NFASC: variants seen among roughly 807,000 people sequenced by gnomAD.
NFASC encodes neurofascin.
Under a neutral mutation model 147.5 loss-of-function variants are expected in NFASC, and 43 were observed. The observed-to-expected ratio is 0.29, with a 90% CI of 0.23 to 0.38. The LOEUF is 0.38. NFASC is among the 10% of genes least tolerant of loss of function. The pLI is 1.00. For synonymous variants in NFASC, 622 were observed against 665.5 expected (o/e 0.93, Z 1.01); for missense variants, 1,320 against 1,689.0 (o/e 0.78, Z 3.83).
At chr1:204,884,055 T>G (rs57551765) in intron 1 of NFASC, among the ~76,000 whole-genome samples, 10,635 of 152,194 alleles carry the variant, frequency 0.07, 1,063 homozygotes, top group East Asian at 0.21. Context: ...AAGTATTAAG[T>G]TGACGTTGGG....
At chr1:204,882,615 G>A (rs938898219) in intron 1 of NFASC, among the ~76,000 whole-genome samples, 2 of 152,056 alleles carry the variant, frequency 1.3e-5, no homozygotes, top group Admixed American at 1.3e-4. Flanking sequence ...TGGAAGGTAG[G>A]CTCTGTGAGT....
Position 204,944,301 on chromosome 1 carries a change from G to A in NFASC, c.-15G>A. On this transcript the variant is annotated 5_prime_UTR_variant, in exon 3 of 30. Coordinates refer to ENST00000339876, the MANE Select transcript of NFASC (RefSeq NM_001005388.3). ...CCGAGTGCTGGGGAGCAGGGAGCAG[G>A]GCCAGGTGCCGAGGATGGCCAGGCA... The A allele has an allele frequency of 5.6e-6, 9 of 1,612,398 alleles. No homozygotes were observed. Among genetic ancestry groups the A allele is most frequent in the Non-Finnish European group, 7.6e-6 (9 of 1,179,470 alleles).
chr1:204,988,773 G>T lies in NFASC; in HGVS notation c.2734G>T (p.Val912Phe), dbSNP rs199913513. ...GACGCAGGTGGGCTCTGGGGAAGCC[G>T]TCACAGAGGAGTCACCAGCACCCCC... ...ARTQVGSGEA[V>F]TEESPAPPNE... Residue 912 changes from valine (V) to phenylalanine (F), a missense_variant, in exon 23 of 30, where the codon GTC becomes TTC. Around this residue, in one of 3 missense-constraint regions of NFASC, gnomAD observed 981 missense variants for 1,289.5 expected, o/e 0.76. Coordinates refer to ENST00000339876, the MANE Select transcript of NFASC (RefSeq NM_001005388.3). The T allele has an allele frequency of 6.2e-7, 1 of 1,614,070 alleles. No individual in the cohort carries two copies. Among genetic ancestry groups the T allele is most frequent in the Admixed American group, 1.7e-5 (1 of 60,022 alleles).
At chr1:205,008,239 T>G (rs1457146939) in intron 27 of NFASC, among the ~76,000 whole-genome samples, 1 of 152,162 alleles carries the variant, frequency 6.6e-6, no homozygotes. Flanking sequence ...TAAAAACAGT[T>G]TCTGCCCCCA....
At chr1:204,852,497 C>T (rs1185919587) in intron 1 of NFASC, among the ~76,000 whole-genome samples, 3 of 152,148 alleles carry the variant, frequency 2.0e-5, no homozygotes, top group Non-Finnish European at 1.5e-5. Context: ...GAAACTCCGT[C>T]TGAAAAACAA....
intron 1 of NFASC, among the ~76,000 whole-genome samples, chr1:204,846,968 T>G (rs2075224721): frequency 6.6e-6 from 1 of 151,838 alleles, no homozygotes; most frequent in African/African-American, 2.4e-5. Flanking sequence ...TGTGTGTGTG[T>G]GTGTGTGTGT....
chr1:204,945,375 G>C (rs1480912265), intron 3 of NFASC, among the ~76,000 whole-genome samples: 2 of 152,232 alleles, frequency 1.3e-5, no homozygotes, highest in African/African-American at 2.4e-5. Flanking sequence ...GTCTGGGGAG[G>C]GGGGCAGGAG....
At chr1:204,970,074 C>CA (rs11307141) in intron 10 of NFASC, among the ~76,000 whole-genome samples, 1,802 of 65,232 alleles carry the variant, frequency 0.028, 49 homozygotes, top group Non-Finnish European at 0.032. Context: ...GACTCCATCT[C>CA]AAAAAAAAAA....
Position 204,846,875 on chromosome 1 carries a change from C to G in NFASC, c.-200+18093C>G, listed in dbSNP as rs545771318. ...TTCAGCCACAGCTGGGCAGCTGGCA[C>G]TTGCTCAACTTTTGCCCCAGTCTAC... On this transcript the variant is annotated intron_variant, in intron 1 of 29. Coordinates refer to ENST00000339876, the MANE Select transcript of NFASC (RefSeq NM_001005388.3). Among the ~76,000 whole-genome samples the G allele has an allele frequency of 2.6e-5, 4 of 152,172 alleles. No homozygotes were observed. The South Asian group carries it at 6.2e-4, about 24-fold the overall frequency.
intron 1 of NFASC, among the ~76,000 whole-genome samples, chr1:204,901,089 G>C (rs959278799): frequency 6.6e-6 from 1 of 152,158 alleles, no homozygotes; most frequent in Non-Finnish European, 1.5e-5. Flanking sequence ...AACTAAAATG[G>C]GAAAGGCTGT....
chr1:204,840,519 T>C (rs1675016000), intron 1 of NFASC, among the ~76,000 whole-genome samples: 1 of 152,234 alleles, frequency 6.6e-6, no homozygotes, highest in Admixed American at 6.5e-5. Flanking sequence ...AGCATATTAC[T>C]AACACCTGCA....
intron 1 of NFASC, among the ~76,000 whole-genome samples, chr1:204,857,919 C>CTTTTT (rs58996261): frequency 3.3e-5 from 4 of 122,562 alleles, no homozygotes; most frequent in African/African-American, 1.3e-4. Flanking sequence ...TCTTCTTCTT[C>CTTTTT]TTTTTTTTTT....
chr1:204,863,823 A>G (rs1274323095), intron 1 of NFASC, among the ~76,000 whole-genome samples: 7 of 145,966 alleles, frequency 4.8e-5, no homozygotes, highest in Non-Finnish European at 1.5e-5. Flanking sequence ...ACTCCAGCCT[A>G]GGTGAAAAAG....
chr1:204,903,319 T>C (rs368587651), intron 1 of NFASC, among the ~76,000 whole-genome samples: 166 of 152,272 alleles, frequency 1.1e-3, no homozygotes, highest in African/African-American at 3.9e-3. Context: ...CCCAGTGTGT[T>C]TGTGGCTGGG....
chr1:204,959,061 GT>G (rs35620571), intron 8 of NFASC, among the ~76,000 whole-genome samples: 606 of 146,614 alleles, frequency 4.1e-3, no homozygotes, highest in African/African-American at 0.012. Flanking sequence ...CCCTTCTCAT[GT>G]TTTTTTTTTT....
chr1:204,932,315 C>G (rs1260467355), intron 2 of NFASC, among the ~76,000 whole-genome samples: 1 of 152,074 alleles, frequency 6.6e-6, no homozygotes, highest in Non-Finnish European at 1.5e-5. Context: ...ATATTTATTT[C>G]CATTTTTGAG....
chr1:204,866,365 G>A (rs183119608), intron 1 of NFASC, among the ~76,000 whole-genome samples: 3 of 152,326 alleles, frequency 2.0e-5, no homozygotes, highest in Non-Finnish European at 4.4e-5. Context: ...AGTTGGATAT[G>A]ATTCCAGTGT....
chr1:204,877,605 G>T (rs956021021), intron 1 of NFASC, among the ~76,000 whole-genome samples: 6 of 152,134 alleles, frequency 3.9e-5, no homozygotes, highest in African/African-American at 1.4e-4. Context: ...AGGTTTCTAT[G>T]GGGGTCCCCT....
At chr1:204,849,562 A>C (rs2075485417) in intron 1 of NFASC, among the ~76,000 whole-genome samples, 2 of 152,138 alleles carry the variant, frequency 1.3e-5, no homozygotes. Context: ...CAGGGACCAC[A>C]CTTGGAGAGC....
Sources: gnomAD v4.1 joint callset for allele counts (sites outside exome capture counted in the v4.1 genomes callset) on GRCh38, gnomAD v4.1.1 for gene constraint, gnomAD v4.1.1 regional missense constraint, MANE v1.5 for transcripts, NCBI Gene and HGNC (gene_info 2026-07-23, HGNC 2026-07-21) for gene names.